Variants in FAM135B observed in about 807,000 individuals in gnomAD.
FAM135B encodes protein FAM135B.
FAM135B carries 43 observed loss-of-function variants against 127.7 expected under a neutral mutation model. The observed-to-expected ratio is 0.34, with a 90% confidence interval of 0.26 to 0.43. The LOEUF (loss-of-function observed/expected upper bound fraction) is 0.43. FAM135B is among the 20% of genes least tolerant of loss of function. The pLI, the probability that FAM135B is intolerant of heterozygous loss-of-function variation, is 1.00. For missense variants in FAM135B, 1,558 were observed against 1,725.6 expected (o/e 0.90, Z 1.72); for synonymous variants, 670 against 665.1 (o/e 1.01, Z -0.11).
At chr8:138,237,378 CT>C (rs1820384148) in intron 7 of FAM135B, among the ~76,000 whole-genome samples, 1 of 152,084 alleles carries the variant, frequency 6.6e-6, no homozygotes, top group Non-Finnish European at 1.5e-5. Flanking sequence ...CCAGGCTGTT[CT>C]TGAACTCCTG....
chr8:138,419,095 C>G (rs947113337), intron 1 of FAM135B, among the ~76,000 whole-genome samples: 1 of 152,128 alleles, frequency 6.6e-6, no homozygotes, highest in African/African-American at 2.4e-5. Context: ...AAACTGTATG[C>G]TGTCTTCAAG....
Position 138,152,480 on chromosome 8 carries a change from C to A in FAM135B, c.1995G>T (p.Glu665Asp), listed in dbSNP as rs773086544. 6.2e-7 allele frequency: 1 copy of A among 1,614,170 alleles called. No homozygotes were observed. Among genetic ancestry groups the A allele is most frequent in the Non-Finnish European group, 8.5e-7 (1 of 1,180,044 alleles). Reference protein sequence around the residue: ...RSSLKDSHTEEQEELSVLSGV... With the variant: ...RSSLKDSHTEDQEELSVLSGV... ...CGGATAGCACTGAGAGTTCCTCCTG[C>A]TCTTCTGTGTGAGAGTCCTTTAGGG... The change falls in exon 13 of 20, where the codon GAG (glutamate) becomes GAT (aspartate). Residue 665 changes from glutamate (E) to aspartate (D), a missense_variant. This residue lies in a region of FAM135B where 923 missense variants were observed against 865.3 expected (regional missense o/e 1.07). Transcript: ENST00000395297.
chr8:138,359,944 G>A (rs976392042), intron 2 of FAM135B, among the ~76,000 whole-genome samples: 2 of 152,114 alleles, frequency 1.3e-5, no homozygotes, highest in African/African-American at 4.8e-5. Context: ...ACATTTCTAT[G>A]AGCCTTCACA....
At position 138,141,471 on chromosome 8, in the gene FAM135B, A is replaced by C; in HGVS notation, c.3639-122T>G. On this transcript the variant is annotated intron_variant, in intron 16 of 19. Coordinates refer to ENST00000395297, the MANE Select transcript of FAM135B (RefSeq NM_015912.4). This position sits in a 1 kb window ranked among gnomAD's most constrained non-coding sequence, Gnocchi z 4.7. ...TCCCACTGAATGTAGGGGAACTGGCAAAGAGAACAGGGACTGCCAACTCAA... is the reference window on the plus strand; with the variant it reads ...TCCCACTGAATGTAGGGGAACTGGCCAAGAGAACAGGGACTGCCAACTCAA... 1 of 1,015,758 alleles carries C rather than the reference A, an allele frequency of 9.8e-7. No homozygotes were observed. Among genetic ancestry groups the C allele is most frequent in the Non-Finnish European group, 1.5e-6 (1 of 668,414 alleles). 62.9% of individuals were successfully genotyped at this position (1,015,758 alleles called of 1,614,324 possible).
At chr8:138,234,799 A>C (rs987206297) in intron 7 of FAM135B, among the ~76,000 whole-genome samples, 1 of 152,176 alleles carries the variant, frequency 6.6e-6, no homozygotes. Flanking sequence ...TTCTAGGTTC[A>C]CATCTTCAAG....
At chr8:138,139,154 G>T in intron 17 of FAM135B, 58 bp from the exon 18 acceptor site, 1 of 1,124,068 alleles carries the variant, frequency 8.9e-7, no homozygotes, top group African/African-American at 1.6e-5. Context: ...AAAACTAACT[G>T]GGATGGAATT....
At chr8:138,339,261 TA>T (rs1389363323) in intron 2 of FAM135B, among the ~76,000 whole-genome samples, 1 of 151,306 alleles carries the variant, frequency 6.6e-6, no homozygotes, top group Non-Finnish European at 1.5e-5. Flanking sequence ...AAGTATAATT[TA>T]AAAAAAAACC....
chr8:138,296,396 T>C (rs750990999), intron 3 of FAM135B, among the ~76,000 whole-genome samples: 2 of 152,222 alleles, frequency 1.3e-5, no homozygotes, highest in Non-Finnish European at 2.9e-5. Flanking sequence ...GGTGCTGGGC[T>C]GTTTATGCAT....
At position 138,130,607 on chromosome 8, in the gene FAM135B, T is replaced by A. The variant is rs888541710; in HGVS notation, c.*1986A>T. On this transcript the variant is annotated 3_prime_UTR_variant, in exon 20 of 20. Coordinates refer to ENST00000395297, the MANE Select transcript of FAM135B (RefSeq NM_015912.4). ...GCTGATGAAAATTGGAAACACAACA[T>A]GAAATGCACTCATCAGAGGGACAGG... The A allele has an allele frequency of 6.6e-6, 1 of 152,128 alleles. No homozygotes were observed. The highest frequency in any genetic ancestry group is 1.5e-5 in the Non-Finnish European group (1 of 68,058). The allele number at this position is 152,128 out of a possible 1,614,324, so 9.4% of individuals were successfully genotyped here. A position where few individuals can be genotyped will look rare whatever the true frequency, so the allele number is the denominator to read the frequency against.
rs747316860 is a variant in FAM135B, at chr8:138,310,799, C to T, written c.157+42G>A. On this transcript the variant is annotated intron_variant, in intron 3 of 19. Transcript: ENST00000395297. Reference sequence around the variant, plus strand: ...TGGCGAGCAGTGACAAAGGGAGGTTCGCCATTGGGGGCAAGTGCCCCATTG... The same window carrying T: ...TGGCGAGCAGTGACAAAGGGAGGTTTGCCATTGGGGGCAAGTGCCCCATTG... 9.5e-6 allele frequency: 15 copies of T among 1,576,108 alleles called. No homozygotes were observed. The Middle Eastern group carries it at 7.1e-4, about 75-fold the overall frequency.
intron 13 of FAM135B, 98 bp from the exon 14 acceptor site, chr8:138,148,784 G>A (rs1168359838): frequency 1.2e-6 from 1 of 850,990 alleles, no homozygotes; most frequent in Admixed American, 2.8e-5. Flanking sequence ...GCACCCACAA[G>A]CAAAGTGCCT....
intron 3 of FAM135B, among the ~76,000 whole-genome samples, chr8:138,291,332 A>G (rs1287871481): frequency 1.3e-5 from 2 of 152,200 alleles, no homozygotes; most frequent in African/African-American, 4.8e-5. Flanking sequence ...CACTGGCAGA[A>G]CTTAGGCATA....
At chr8:138,182,150 C>T (rs4273892) in intron 9 of FAM135B, among the ~76,000 whole-genome samples, 99,021 of 152,070 alleles carry the variant, frequency 0.65, 32,850 homozygotes, top group East Asian at 0.81. Context: ...CCAGAGTGAA[C>T]AAGAGAAAAA....
chr8:138,171,014 C>T (rs528411870), intron 11 of FAM135B, among the ~76,000 whole-genome samples: 10 of 152,304 alleles, frequency 6.6e-5, no homozygotes, highest in African/African-American at 1.7e-4. Flanking sequence ...GCACTCCATG[C>T]GCTCCCAGGC....
chr8:138,468,099 A>G (rs939634627), intron 1 of FAM135B, among the ~76,000 whole-genome samples: 1 of 152,218 alleles, frequency 6.6e-6, no homozygotes, highest in African/African-American at 2.4e-5. Context: ...ACTAGGAACT[A>G]TGGGTATTCA....
At position 138,197,650 on chromosome 8, in the gene FAM135B, G is replaced by A. The variant is rs2131140879; in HGVS notation, c.689C>T (p.Ser230Phe). Residue 230 changes from serine (S) to phenylalanine (F), a missense_variant, in exon 8 of 20, where the codon TCT (serine) becomes TTT (phenylalanine). By Grantham distance (155) the Ser-to-Phe change is radical. Around this residue, in one of 5 missense-constraint regions of FAM135B, gnomAD observed 127 missense variants for 109.7 expected, o/e 1.16. Coordinates refer to ENST00000395297, the MANE Select transcript of FAM135B (RefSeq NM_015912.4). ...GTGTGCGTGCTGCATGCAGTTCTCA[G>A]AGGTGATGTAGAAGCTTCCCTAAGG... ...TSSEGSFYITSENCMQHAHKW... is the reference protein window; with the variant it reads ...TSSEGSFYITFENCMQHAHKW... 1 of 1,614,132 alleles carries A rather than the reference G, an allele frequency of 6.2e-7. No homozygotes were observed. Among genetic ancestry groups the A allele is most frequent in the Non-Finnish European group, 8.5e-7 (1 of 1,179,962 alleles).
chr8:138,260,912 G>C (rs904017450), intron 4 of FAM135B, among the ~76,000 whole-genome samples: 1 of 152,032 alleles, frequency 6.6e-6, no homozygotes, highest in Non-Finnish European at 1.5e-5. Context: ...AGTCTCTGTG[G>C]CTCTCCGTGC....
rs536663098 is a variant in FAM135B at position 138,422,586 on chromosome 8, T to A, written c.-19-54584A>T. ...CAATATCATCTCACACCAGTCAGAA[T>A]GGCTACAATTAAAAAGTCAAAAAAT... On this transcript the variant is annotated intron_variant, in intron 1 of 19. Coordinates refer to ENST00000395297, the MANE Select transcript of FAM135B (RefSeq NM_015912.4). Among the ~76,000 whole-genome samples the A allele has an allele frequency of 5.9e-5, 9 of 152,262 alleles. No individual in the cohort carries two copies. The East Asian group carries it at 1.7e-3, about 29-fold the overall frequency.
At chr8:138,443,359 A>G (rs570352007) in intron 1 of FAM135B, among the ~76,000 whole-genome samples, 1 of 152,244 alleles carries the variant, frequency 6.6e-6, no homozygotes, top group South Asian at 2.1e-4. Flanking sequence ...CATTCTCCAA[A>G]AAGGAGCCAG....
Sources: gnomAD v4.1 joint callset for allele counts (sites outside exome capture counted in the v4.1 genomes callset) on GRCh38, gnomAD v4.1.1 for gene constraint, gnomAD v4.1.1 regional missense constraint, Gnocchi (gnomAD v3.1) non-coding constraint, MANE v1.5 for transcripts, NCBI Gene and HGNC (gene_info 2026-07-23, HGNC 2026-07-21) for gene names.